The following ANKS1B variants were observed in gnomAD, a reference collection of about 807,000 sequenced individuals.
ANKS1B encodes the protein ankyrin repeat and sterile alpha motif domain containing 1B.
ANKS1B carries 36 observed loss-of-function variants against 148.3 expected under a neutral mutation model. The observed-to-expected ratio is 0.24, with a 90% CI of 0.19 to 0.32. The LOEUF (loss-of-function observed/expected upper bound fraction) is 0.32, where lower values mean the gene tolerates loss of function less well. Among genes scored for constraint, ANKS1B ranks in the 10% least tolerant of loss-of-function variants. The pLI, the probability that ANKS1B is intolerant of heterozygous loss-of-function variation, is 1.00. For synonymous variants in ANKS1B, 542 were observed against 560.8 expected, an observed-to-expected ratio of 0.97 and a Z score of 0.47; for missense variants, 1,157 against 1,542.6, an observed-to-expected ratio of 0.75 and a Z score of 4.19.
chr12:99,458,280 A>G (rs2095879013), intron 10 of ANKS1B, among the ~76,000 whole-genome samples: 1 of 152,128 alleles, frequency 6.6e-6, no homozygotes, highest in Non-Finnish European at 1.5e-5. Context: ...AGGTGGTGCT[A>G]AGAGAAAAGT....
intron 17 of ANKS1B, among the ~76,000 whole-genome samples, chr12:98,832,916 A>C (rs367554167): frequency 6.6e-6 from 1 of 152,210 alleles, no homozygotes; most frequent in East Asian, 1.9e-4. Flanking sequence ...ATGACTAAAA[A>C]AAAATAAGGG....
chr12:99,720,469 C>G (rs1398207430), intron 8 of ANKS1B, among the ~76,000 whole-genome samples: 1 of 152,174 alleles, frequency 6.6e-6, no homozygotes, highest in Non-Finnish European at 1.5e-5. Flanking sequence ...ATCAGCCAAG[C>G]AGTTTTTCAG....
At chr12:99,291,701 C>A (rs191475930) in intron 12 of ANKS1B, among the ~76,000 whole-genome samples, 2 of 151,882 alleles carry the variant, frequency 1.3e-5, no homozygotes, top group Admixed American at 6.5e-5. Context: ...TGCAGAAGAA[C>A]AAAACTAGAA....
At chr12:99,464,873 A>G (rs1407440315) in intron 10 of ANKS1B, among the ~76,000 whole-genome samples, 4 of 152,248 alleles carry the variant, frequency 2.6e-5, no homozygotes, top group Admixed American at 1.3e-4. Context: ...ACTATGCAGG[A>G]TATTATGTAG....
chr12:98,792,854 T>C (rs548339985), intron 22 of ANKS1B, among the ~76,000 whole-genome samples: 2 of 152,358 alleles, frequency 1.3e-5, no homozygotes, highest in South Asian at 4.1e-4. Context: ...CATTCATCTG[T>C]TGATGGACAC....
intron 9 of ANKS1B, among the ~76,000 whole-genome samples, chr12:99,534,930 C>T (rs772049537): frequency 4.0e-5 from 6 of 151,830 alleles, no homozygotes; most frequent in South Asian, 2.1e-4. Flanking sequence ...AGGATGGTCT[C>T]GATCTCCTGA....
intron 12 of ANKS1B, among the ~76,000 whole-genome samples, chr12:99,390,048 G>A (rs868356635): frequency 2.0e-5 from 3 of 150,104 alleles, no homozygotes; most frequent in Admixed American, 1.3e-4. Context: ...CATAGCACCC[G>A]GGTGCTCTGC....
chr12:99,559,333 A>C (rs1264487281), intron 9 of ANKS1B, among the ~76,000 whole-genome samples: 1 of 152,192 alleles, frequency 6.6e-6, no homozygotes, highest in Non-Finnish European at 1.5e-5. Flanking sequence ...TTGATTTTGC[A>C]CAATATTTTA....
chr12:99,191,049 G>C (rs1252349848), intron 14 of ANKS1B, among the ~76,000 whole-genome samples: 1 of 151,228 alleles, frequency 6.6e-6, no homozygotes, highest in East Asian at 1.9e-4. Context: ...GATATGAACA[G>C]ACACTTCCCT....
At chr12:99,650,153 C>CTTTATATTTTTTAAATAAATTAA (rs2098408369) in intron 9 of ANKS1B, 1 of 152,168 alleles carries the variant, frequency 6.6e-6, no homozygotes, top group Non-Finnish European at 1.5e-5. Flanking sequence ...TTTCCCTTAA[C>CTTTATATTTTTTAAATAAATTAA]TTTATATTTT....
intron 15 of ANKS1B, among the ~76,000 whole-genome samples, chr12:99,141,849 T>G (rs1014054022): frequency 6.6e-6 from 1 of 152,144 alleles, no homozygotes; most frequent in Non-Finnish European, 1.5e-5. Flanking sequence ...TTTCGGTTGA[T>G]TCTCATTTGA....
chr12:98,988,069 T>G lies in ANKS1B; in HGVS notation c.2778+65088A>C, dbSNP rs370642156. ...AAGCATGTATACATTGTGAAATGAC[T>G]AAGTATAATTAACATGTGCATTATC... is the stretch of plus-strand genomic sequence containing the variant. On this transcript the variant is annotated intron_variant, in intron 17 of 26. Transcript: ENST00000683438. Among the ~76,000 whole-genome samples, 3 of 152,242 alleles carry G rather than the reference T, an allele frequency of 2.0e-5. No individual in the cohort carries two copies. In the East Asian group the frequency reaches 5.8e-4, roughly 29 times the overall value.
intron 11 of ANKS1B, among the ~76,000 whole-genome samples, chr12:99,422,212 A>G (rs11609895): frequency 0.027 from 4,071 of 152,348 alleles, 79 homozygotes; most frequent in Non-Finnish European, 0.04. Flanking sequence ...CCAAACACAG[A>G]TAAGACAGCA....
intron 22 of ANKS1B, chr12:98,794,536 G>T: frequency 1.5e-6 from 1 of 658,302 alleles, no homozygotes; most frequent in South Asian, 1.5e-5. Context: ...CCCTGGCCAT[G>T]GCAAGATGTT....
At chr12:99,585,877 G>T (rs1305669692) in intron 9 of ANKS1B, among the ~76,000 whole-genome samples, 1 of 152,110 alleles carries the variant, frequency 6.6e-6, no homozygotes, top group Non-Finnish European at 1.5e-5. Context: ...GAGGCCCTGG[G>T]CCCAGCTCAT....
chr12:99,001,242 C>T (rs1433657225), intron 17 of ANKS1B, among the ~76,000 whole-genome samples: 1 of 152,052 alleles, frequency 6.6e-6, no homozygotes, highest in Non-Finnish European at 1.5e-5. Flanking sequence ...AAGTGATCTT[C>T]CCACGTCAGT....
intron 11 of ANKS1B, among the ~76,000 whole-genome samples, chr12:99,425,356 TA>T (rs1214373829): frequency 6.6e-6 from 1 of 152,006 alleles, no homozygotes; most frequent in Non-Finnish European, 1.5e-5. Context: ...CAAAAATTTT[TA>T]TTCTAATTCT....
At chr12:99,267,139 C>A (rs565983809) in intron 12 of ANKS1B, among the ~76,000 whole-genome samples, 1 of 152,302 alleles carries the variant, frequency 6.6e-6, no homozygotes, top group South Asian at 2.1e-4. Context: ...GACATTCAGA[C>A]ATGTGCATCA....
chr12:99,671,970 T>C (rs1321154066), intron 8 of ANKS1B, among the ~76,000 whole-genome samples: 2 of 152,162 alleles, frequency 1.3e-5, no homozygotes, highest in African/African-American at 4.8e-5. Flanking sequence ...GCTGAGTGAT[T>C]TTAAAACTCT....
Sources: allele counts gnomAD v4.1 joint callset (sites outside exome capture counted in the v4.1 genomes callset), GRCh38; gene constraint gnomAD v4.1.1; transcripts MANE v1.5; gene names NCBI Gene and HGNC (gene_info 2026-07-23, HGNC 2026-07-21).